MTHFS: variants seen among roughly 807,000 people sequenced by gnomAD.
The protein encoded by MTHFS is methenyltetrahydrofolate synthetase, also known as 5-formyltetrahydrofolate cyclo-ligase.
MTHFS carries 7 observed loss-of-function variants against 12.7 expected under a neutral mutation model. That is an observed-to-expected ratio of 0.55 (90% CI 0.31 to 1.03). MTHFS has a LOEUF of 1.03. Ranked by LOEUF, MTHFS falls within the 50% of genes least tolerant of loss-of-function variation. The pLI, the probability that MTHFS is intolerant of heterozygous loss-of-function variation, is 0.05. For synonymous variants in MTHFS, 100 were observed against 97.1 expected (o/e 1.03, Z -0.18); for missense variants, 252 against 258.1 (o/e 0.98, Z 0.16).
At chr15:79,896,673 C>T in intron 1 of MTHFS, 199 bp downstream of exon 1, 3 of 998,684 alleles carry the variant, frequency 3.0e-6, no homozygotes, top group Non-Finnish European at 4.2e-6. Context: ...ACCGGGCCCT[C>T]TCCCCGCCAT....
chr15:79,896,716 G>T, intron 1 of MTHFS, 156 bp downstream of exon 1: 1 of 1,309,244 alleles, frequency 7.6e-7, no homozygotes. Flanking sequence ...CGACTAGGGG[G>T]CGTGCGCGCG....
At chr15:79,867,527 T>C (rs567749112) in intron 2 of MTHFS, among the ~76,000 whole-genome samples, 93 of 152,162 alleles carry the variant, frequency 6.1e-4, no homozygotes, top group Middle Eastern at 3.4e-3. Context: ...TTGTAGCTTG[T>C]TATAACTATC....
chr15:79,887,482 A>G (rs773430256), intron 2 of MTHFS, among the ~76,000 whole-genome samples: 6 of 152,226 alleles, frequency 3.9e-5, no homozygotes, highest in Admixed American at 6.5e-5. Flanking sequence ...GGAATTAGTT[A>G]CTGGAGGAAA....
chr15:79,862,077 T>G (rs2033926196), intron 2 of MTHFS, among the ~76,000 whole-genome samples: 1 of 152,158 alleles, frequency 6.6e-6, no homozygotes, highest in South Asian at 2.1e-4. Context: ...TGGCTTTTTT[T>G]TTTCCTTTTT....
chr15:79,893,870 C>A (rs1252701912), intron 1 of MTHFS, among the ~76,000 whole-genome samples: 1 of 152,032 alleles, frequency 6.6e-6, no homozygotes, highest in Non-Finnish European at 1.5e-5. Flanking sequence ...AATTTCTTTA[C>A]CATTTAAATT....
chr15:79,866,322 A>C (rs1366176177), intron 2 of MTHFS, among the ~76,000 whole-genome samples: 1 of 152,160 alleles, frequency 6.6e-6, no homozygotes, highest in Non-Finnish European at 1.5e-5. Context: ...CCTGTACATT[A>C]TTTGGTGAAA....
intron 2 of MTHFS, among the ~76,000 whole-genome samples, chr15:79,884,100 G>A (rs1013621503): frequency 2.0e-5 from 3 of 152,160 alleles, no homozygotes; most frequent in Non-Finnish European, 2.9e-5. Flanking sequence ...GATATGTAAG[G>A]TAGGTCTGAG....
At chr15:79,894,457 T>C (rs1443984773) in intron 1 of MTHFS, among the ~76,000 whole-genome samples, 1 of 152,222 alleles carries the variant, frequency 6.6e-6, no homozygotes, top group Non-Finnish European at 1.5e-5. Flanking sequence ...GTATATTTGT[T>C]TGTACAGAGT....
intron 2 of MTHFS, among the ~76,000 whole-genome samples, chr15:79,880,571 G>A (rs2141369185): frequency 6.6e-6 from 1 of 151,756 alleles, no homozygotes. Flanking sequence ...AGAAAGAGAT[G>A]GTACCTCAGA....
chr15:79,860,465 T>A (rs2033893341), intron 2 of MTHFS, among the ~76,000 whole-genome samples: 2 of 151,832 alleles, frequency 1.3e-5, no homozygotes, highest in Non-Finnish European at 2.9e-5. Flanking sequence ...ATATAAAGAA[T>A]TGTTACCAAC....
chr15:79,863,297 A>G lies in MTHFS; in HGVS notation c.380-17855T>C, dbSNP rs192770425. Among the ~76,000 whole-genome samples the G allele has an allele frequency of 3.9e-3, 588 of 152,118 alleles. 1 individual carries two copies. Among genetic ancestry groups the G allele is most frequent in the African/African-American group, 0.014 (571 of 41,484 alleles). On this transcript the variant is annotated intron_variant, in intron 2 of 2. Coordinates refer to ENST00000258874, the MANE Select transcript of MTHFS (RefSeq NM_006441.4). ...TCCCTTGGGACAGCCTGTCCTCCTT[A>G]TTTCTGGCAGAACAACCTTTCCCAA...
chr15:79,855,282 A>G (rs1375554148), intron 2 of MTHFS, among the ~76,000 whole-genome samples: 1 of 152,258 alleles, frequency 6.6e-6, no homozygotes, highest in Non-Finnish European at 1.5e-5. Flanking sequence ...TACTGCAGAT[A>G]TGTAAAAATG....
chr15:79,892,049 A>C (rs2034484103), intron 1 of MTHFS, among the ~76,000 whole-genome samples: 1 of 152,054 alleles, frequency 6.6e-6, no homozygotes, highest in Non-Finnish European at 1.5e-5. Context: ...TGAGCAGAAC[A>C]AGGAAAATAA....
intron 1 of MTHFS, among the ~76,000 whole-genome samples, chr15:79,896,048 A>G (rs966524758): frequency 6.6e-6 from 1 of 152,230 alleles, no homozygotes; most frequent in Admixed American, 6.5e-5. Flanking sequence ...TGATAAGAAA[A>G]CTGACATTAC....
chr15:79,874,140 T>C (rs189018126), intron 2 of MTHFS, among the ~76,000 whole-genome samples: 3 of 152,348 alleles, frequency 2.0e-5, no homozygotes, highest in Non-Finnish European at 1.5e-5. Context: ...GAATCACTTC[T>C]AGAATGGCAG....
chr15:79,853,831 T>G (rs1213563143), intron 2 of MTHFS, among the ~76,000 whole-genome samples: 1 of 152,214 alleles, frequency 6.6e-6, no homozygotes, highest in Non-Finnish European at 1.5e-5. Context: ...AGAAATAGCC[T>G]TTCTCTTTAA....
intron 2 of MTHFS, among the ~76,000 whole-genome samples, chr15:79,865,883 A>C (rs2034001423): frequency 6.6e-6 from 1 of 152,180 alleles, no homozygotes; most frequent in African/African-American, 2.4e-5. Context: ...AGCAAAACAA[A>C]ATGTAGCAAA....
intron 2 of MTHFS, among the ~76,000 whole-genome samples, chr15:79,852,031 T>C (rs2033725460): frequency 6.6e-6 from 1 of 152,288 alleles, no homozygotes; most frequent in Non-Finnish European, 1.5e-5. Flanking sequence ...ATACCAAATG[T>C]CAACTTAATC....
At chr15:79,882,102 G>C (rs755231024) in intron 2 of MTHFS, among the ~76,000 whole-genome samples, 3 of 152,148 alleles carry the variant, frequency 2.0e-5, no homozygotes, top group Non-Finnish European at 4.4e-5. Flanking sequence ...TATTTCAAAA[G>C]TTCAAATACA....
Sources: allele counts gnomAD v4.1 joint callset (sites outside exome capture counted in the v4.1 genomes callset), GRCh38; gene constraint gnomAD v4.1.1; transcripts MANE v1.5; gene names NCBI Gene and HGNC (gene_info 2026-07-23, HGNC 2026-07-21).